CFAP299: variants seen among roughly 807,000 people sequenced by gnomAD.
CFAP299 encodes the protein cilia- and flagella-associated protein 299.
Under a neutral mutation model 27.0 loss-of-function variants are expected in CFAP299, and 21 were observed. The ratio of observed to expected loss-of-function variants is 0.78; its 90% CI spans 0.55 to 1.12. The LOEUF (loss-of-function observed/expected upper bound fraction) is 1.12, where lower values mean the gene tolerates loss of function less well. Among genes scored for constraint, CFAP299 ranks in the 50% most tolerant of loss-of-function variants. The pLI is 0.00. For synonymous variants in CFAP299, 104 were observed against 98.1 expected (o/e 1.06, Z -0.36); for missense variants, 310 against 276.6 (o/e 1.12, Z -0.86).
rs5859743 is a variant in CFAP299, at chr4:80,950,253, A to ACCCC, written c.606+5320_606+5323dup. ...TCTGCCACTCTTTATTCTTCCCTCC[A>ACCCC]CCCCCCCCCTTTCTCATTTGATGTT... On this transcript the variant is annotated intron_variant, in intron 5 of 5. Transcript: ENST00000358105. 1.5e-3 allele frequency among the ~76,000 whole-genome samples: 212 copies of ACCCC among 145,724 alleles called. No individual in the cohort carries two copies. The East Asian group carries it at 0.021, about 14-fold the overall frequency.
intron 1 of CFAP299, among the ~76,000 whole-genome samples, chr4:80,342,919 T>C (rs765736257): frequency 3.9e-5 from 6 of 152,158 alleles, no homozygotes; most frequent in Non-Finnish European, 7.3e-5. Context: ...CTATGCTGTA[T>C]TCAAGAGACC....
intron 3 of CFAP299, among the ~76,000 whole-genome samples, chr4:80,629,739 G>T (rs1739108905): frequency 6.6e-6 from 1 of 151,892 alleles, no homozygotes; most frequent in Non-Finnish European, 1.5e-5. Context: ...AATTAGCCAG[G>T]TATGATGGTG....
intron 3 of CFAP299, among the ~76,000 whole-genome samples, chr4:80,711,069 GTATAATTGCCCTGCTGACAC>G (rs1722138320): frequency 6.6e-6 from 1 of 152,140 alleles, no homozygotes; most frequent in Admixed American, 6.5e-5. Context: ...TCTGTAAAAG[GTATAATTGCCCTGCTGACAC>G]TACACAGGCA....
At chr4:80,620,564 C>G (rs1738535186) in intron 3 of CFAP299, among the ~76,000 whole-genome samples, 1 of 152,102 alleles carries the variant, frequency 6.6e-6, no homozygotes, top group Non-Finnish European at 1.5e-5. Context: ...GTTTCAGTTG[C>G]TTTAGGATGA....
At chr4:80,843,834 A>C (rs1478372265) in intron 3 of CFAP299, among the ~76,000 whole-genome samples, 1 of 152,128 alleles carries the variant, frequency 6.6e-6, no homozygotes, top group Non-Finnish European at 1.5e-5. Context: ...ATATGTATAC[A>C]TGTGCCATGT....
At chr4:80,930,204 G>T (rs903261673) in intron 4 of CFAP299, among the ~76,000 whole-genome samples, 7 of 152,274 alleles carry the variant, frequency 4.6e-5, no homozygotes, top group African/African-American at 1.7e-4. Context: ...AAGGGACAGG[G>T]TTCAAAGGGC....
intron 2 of CFAP299, among the ~76,000 whole-genome samples, chr4:80,415,531 T>C (rs1186414440): frequency 6.6e-6 from 1 of 152,158 alleles, no homozygotes; most frequent in African/African-American, 2.4e-5. Flanking sequence ...ACTGGTAGTT[T>C]ATATAATTTT....
chr4:80,726,399 G>T (rs1485811030), intron 3 of CFAP299, among the ~76,000 whole-genome samples: 1 of 151,958 alleles, frequency 6.6e-6, no homozygotes, highest in African/African-American at 2.4e-5. Flanking sequence ...AATTTAAACT[G>T]TTAAAAGAAA....
At chr4:80,934,935 TG>T (rs1425478510) in intron 4 of CFAP299, among the ~76,000 whole-genome samples, 1 of 152,046 alleles carries the variant, frequency 6.6e-6, no homozygotes, top group African/African-American at 2.4e-5. Flanking sequence ...TTTAGCTTTT[TG>T]TTTTTATAGC....
intron 2 of CFAP299, among the ~76,000 whole-genome samples, chr4:80,433,094 T>C (rs1319250954): frequency 2.0e-5 from 3 of 152,184 alleles, no homozygotes; most frequent in African/African-American, 7.2e-5. Flanking sequence ...TATTGAAAAG[T>C]TATTTTTCTG....
intron 3 of CFAP299, among the ~76,000 whole-genome samples, chr4:80,853,138 C>G (rs566741723): frequency 1.3e-5 from 2 of 152,278 alleles, no homozygotes; most frequent in South Asian, 4.1e-4. Context: ...TCAATTAATT[C>G]TCCTGTCTCA....
intron 3 of CFAP299, among the ~76,000 whole-genome samples, chr4:80,596,703 A>G (rs1311441234): frequency 6.6e-6 from 1 of 152,178 alleles, no homozygotes; most frequent in Non-Finnish European, 1.5e-5. Context: ...AGAATAAGAA[A>G]AAGAACATTA....
intron 3 of CFAP299, among the ~76,000 whole-genome samples, chr4:80,688,186 C>A (rs1487742922): frequency 6.6e-6 from 1 of 152,234 alleles, no homozygotes. Context: ...GTGGAACCCA[C>A]CACAGCTCAA....
intron 3 of CFAP299, among the ~76,000 whole-genome samples, chr4:80,853,441 T>C (rs1327739114): frequency 6.6e-6 from 1 of 152,214 alleles, no homozygotes; most frequent in African/African-American, 2.4e-5. Context: ...GGAATGTATA[T>C]GCTACTTTTG....
intron 3 of CFAP299, among the ~76,000 whole-genome samples, chr4:80,858,867 GA>G (rs1194889328): frequency 1.3e-4 from 19 of 151,800 alleles, no homozygotes; most frequent in Middle Eastern, 3.2e-3. Context: ...GTGTGGTGCT[GA>G]AAAAAAATGT....
chr4:80,768,302 T>A (rs868775835), intron 3 of CFAP299, among the ~76,000 whole-genome samples: 13 of 152,310 alleles, frequency 8.5e-5, no homozygotes, highest in Middle Eastern at 6.8e-3. Context: ...AATGTATCTG[T>A]TTGTTAATTT....
chr4:80,546,762 G>A (rs1384524995), intron 2 of CFAP299, among the ~76,000 whole-genome samples: 1 of 152,098 alleles, frequency 6.6e-6, no homozygotes, highest in Non-Finnish European at 1.5e-5. Flanking sequence ...CTTACACCAT[G>A]AGTAAAAGTT....
At chr4:80,876,246 A>C (rs1578205323) in intron 4 of CFAP299, among the ~76,000 whole-genome samples, 1 of 151,792 alleles carries the variant, frequency 6.6e-6, no homozygotes, top group Non-Finnish European at 1.5e-5. Flanking sequence ...GTCACCACCC[A>C]AATCTCATCT....
chr4:80,478,679 T>C (rs754762494), intron 2 of CFAP299, among the ~76,000 whole-genome samples: 1 of 152,062 alleles, frequency 6.6e-6, no homozygotes, highest in South Asian at 2.1e-4. Context: ...ATGAGTTGAT[T>C]CTATTTCCTT....
Sources: allele counts gnomAD v4.1 joint callset (sites outside exome capture counted in the v4.1 genomes callset), GRCh38; gene constraint gnomAD v4.1.1; transcripts MANE v1.5; gene names NCBI Gene and HGNC (gene_info 2026-07-23, HGNC 2026-07-21).